INTS14: variants seen among roughly 807,000 people sequenced by gnomAD.
INTS14 encodes the protein UPF0464 protein C15orf44.
INTS14 carries 27 observed loss-of-function variants against 56.9 expected under a neutral mutation model. The observed-to-expected ratio is 0.47, with a 90% CI of 0.35 to 0.65. INTS14 has a LOEUF of 0.65. INTS14 is among the 30% of genes least tolerant of loss of function. The probability of loss-of-function intolerance (pLI) is 0.00; values close to 1 mark genes in which losing one functional copy is unlikely to be tolerated. For synonymous variants in INTS14, 207 were observed against 236.2 expected, an observed-to-expected ratio of 0.88 and a Z score of 1.13; for missense variants, 517 against 632.2, an observed-to-expected ratio of 0.82 and a Z score of 1.95.
Position 65,579,152 on chromosome 15 carries a change from A to G in INTS14, c.*256T>C. 2.3e-6 allele frequency: 1 copy of G among 429,910 alleles called. No homozygotes were observed. The highest frequency in any genetic ancestry group is 4.1e-6 in the Non-Finnish European group (1 of 241,454). 26.6% of individuals were successfully genotyped at this position (429,910 alleles called of 1,614,324 possible). ...ATCAGTCATTCAAGCTTCTCAGGAAATGTGCCCATCATGGGAACAGCAGCT... is the reference window on the plus strand; with the variant it reads ...ATCAGTCATTCAAGCTTCTCAGGAAGTGTGCCCATCATGGGAACAGCAGCT... On this transcript the variant is annotated 3_prime_UTR_variant, in exon 12 of 12. Coordinates refer to ENST00000313182, the MANE Select transcript of INTS14 (RefSeq NM_001394796.1).
intron 10 of INTS14, among the ~76,000 whole-genome samples, chr15:65,582,379 G>C (rs577022564): frequency 6.6e-6 from 1 of 152,220 alleles, no homozygotes; most frequent in East Asian, 1.9e-4. Flanking sequence ...AAAGAATAAA[G>C]TTGGACCCTT....
At chr15:65,588,497 A>C (rs1373639832) in intron 9 of INTS14, among the ~76,000 whole-genome samples, 1 of 151,690 alleles carries the variant, frequency 6.6e-6, no homozygotes, top group Non-Finnish European at 1.5e-5. Context: ...ATGAAACCCT[A>C]TCTCTACTAA....
chr15:65,591,552 G>A (rs1250313808), intron 9 of INTS14, 46 bp downstream of exon 9: 1 of 1,599,240 alleles, frequency 6.3e-7, no homozygotes, highest in Non-Finnish European at 8.5e-7. Context: ...GAGAACAGCA[G>A]AATGAAAACA....
At chr15:65,602,833 A>C (rs1473852353) in intron 3 of INTS14, among the ~76,000 whole-genome samples, 1 of 152,094 alleles carries the variant, frequency 6.6e-6, no homozygotes. Flanking sequence ...ACGTCTGGCT[A>C]ATTTTTTTAT....
rs754580401 is a variant in INTS14, at chr15:65,599,859, T to C, written c.401A>G (p.Asn134Ser). 1.4e-5 allele frequency: 22 copies of C among 1,614,036 alleles called. No individual in the cohort carries two copies. The highest frequency in any genetic ancestry group is 1.7e-5 in the Non-Finnish European group (20 of 1,179,986). The change falls in exon 4 of 12, where the codon AAT becomes AGT. Residue 134 changes from asparagine to serine, a missense_variant. Asn to Ser is a conservative substitution (Grantham distance 46). Coordinates refer to ENST00000313182, the MANE Select transcript of INTS14 (RefSeq NM_001394796.1). ...AAACCTGTTGCTCTCACTTCGTTGA[T>C]TTTGAGTGGCTAGGGAATGTCGCAG... ...GSLRHSLATQ[N>S]QRSESNRFPL... is the part of the protein sequence containing the mutation.
rs548089468 is a variant in INTS14 at position 65,606,181 on chromosome 15, G to C, written c.223-945C>G. Among the ~76,000 whole-genome samples the C allele has an allele frequency of 1.8e-3, 275 of 151,612 alleles. 2 individuals are homozygous for C. The highest frequency in any genetic ancestry group is 6.2e-3 in the African/African-American group (255 of 41,330). On this transcript the variant is annotated intron_variant, in intron 2 of 11. Transcript: ENST00000313182. ...GAGGCAGGAGAATGGCGTGAACCCGGGGGGCGGAGCCTGCAGTGAGCCGAG... is the reference window on the plus strand; with the variant it reads ...GAGGCAGGAGAATGGCGTGAACCCGCGGGGCGGAGCCTGCAGTGAGCCGAG...
At chr15:65,585,678 C>T (rs1596236937) in intron 9 of INTS14, among the ~76,000 whole-genome samples, 1 of 152,084 alleles carries the variant, frequency 6.6e-6, no homozygotes, top group South Asian at 2.1e-4. Flanking sequence ...TGTATTTGAT[C>T]TTTATTATTA....
intron 2 of INTS14, among the ~76,000 whole-genome samples, chr15:65,606,031 G>A (rs1160743009): frequency 1.3e-5 from 2 of 151,710 alleles, no homozygotes; most frequent in Admixed American, 6.6e-5. Flanking sequence ...CGAGGCGGGC[G>A]GATCATGAGG....
chr15:65,593,422 T>C lies in INTS14; in HGVS notation c.986+6A>G, dbSNP rs2073100703. ...CATTCAACCAAATGTAAACAAAGTT[T>C]CCTACCCTAATTGAACAATCGCTAC... On this transcript the variant is annotated splice_donor_region_variant and intron_variant, in intron 8 of 11. Transcript: ENST00000313182. 1.2e-6 allele frequency: 2 copies of C among 1,608,030 alleles called. No homozygotes were observed. Among genetic ancestry groups the C allele is most frequent in the African/African-American group, 1.3e-5 (1 of 74,684 alleles).
intron 2 of INTS14, among the ~76,000 whole-genome samples, chr15:65,605,759 G>T (rs2073621560): frequency 6.6e-6 from 1 of 152,072 alleles, no homozygotes; most frequent in Non-Finnish European, 1.5e-5. Flanking sequence ...CAGGGCTCCT[G>T]GTCTAAAACA....
At chr15:65,607,950 A>G (rs961264751) in intron 1 of INTS14, among the ~76,000 whole-genome samples, 2 of 152,266 alleles carry the variant, frequency 1.3e-5, no homozygotes, top group Non-Finnish European at 1.5e-5. Context: ...GGACTAGTAA[A>G]GTCATAAACC....
intron 2 of INTS14, 93 bp downstream of exon 2, chr15:65,607,066 T>G: frequency 6.9e-7 from 1 of 1,453,488 alleles, no homozygotes; most frequent in South Asian, 1.4e-5. Flanking sequence ...TATTAAATAA[T>G]GCCAAAGTTC....
chr15:65,581,008 G>A (rs890425766), intron 11 of INTS14, among the ~76,000 whole-genome samples: 1 of 152,182 alleles, frequency 6.6e-6, no homozygotes, highest in African/African-American at 2.4e-5. Context: ...TGTAATCCCA[G>A]CACTTTGGGT....
chr15:65,610,974 G>T, intron 1 of INTS14, 124 bp downstream of exon 1: 8 of 1,489,034 alleles, frequency 5.4e-6, no homozygotes, highest in Non-Finnish European at 7.1e-6. Context: ...ACAGCGCGGG[G>T]CGGCCGCCAC....
intron 9 of INTS14, among the ~76,000 whole-genome samples, chr15:65,590,054 A>AT (rs1337827675): frequency 1.3e-5 from 2 of 152,194 alleles, no homozygotes; most frequent in African/African-American, 4.8e-5. Context: ...CCTGGGATCA[A>AT]TTTTAACACT....
chr15:65,592,336 G>A (rs1317149037), intron 8 of INTS14, among the ~76,000 whole-genome samples: 3 of 152,118 alleles, frequency 2.0e-5, no homozygotes, highest in Non-Finnish European at 4.4e-5. Flanking sequence ...CCTAACTCTT[G>A]ATCTATACCA....
chr15:65,606,664 T>C (rs112969317), intron 2 of INTS14, among the ~76,000 whole-genome samples: 1 of 152,166 alleles, frequency 6.6e-6, no homozygotes, highest in Non-Finnish European at 1.5e-5. Flanking sequence ...AATTCTAACA[T>C]AACACAGAAA....
intron 2 of INTS14, among the ~76,000 whole-genome samples, chr15:65,606,765 T>A (rs576770555): frequency 6.6e-6 from 1 of 152,312 alleles, no homozygotes; most frequent in African/African-American, 2.4e-5. Context: ...AAAGGAAATA[T>A]CATTTTGAAT....
rs774613796 is a variant in INTS14 at position 65,581,990 on chromosome 15, T to G, written c.1269A>C (p.Ala423=). 23 of 1,612,520 alleles carry G rather than the reference T, an allele frequency of 1.4e-5. No homozygotes were observed. The change falls in exon 11 of 12, where the codon GCA becomes GCC. Residue 423 remains alanine (A), a synonymous_variant. Coordinates refer to ENST00000313182, the MANE Select transcript of INTS14 (RefSeq NM_001394796.1). ...TCTGTGTTTTTTCAGGTAGTTTCCT[T>G]GCATTTCTTAAAATCTTCTGTACAT... ...QTDVQKILRN[A]RKLPEKTQTF...
Sources: allele counts gnomAD v4.1 joint callset (sites outside exome capture counted in the v4.1 genomes callset), GRCh38; gene constraint gnomAD v4.1.1; transcripts MANE v1.5; gene names NCBI Gene and HGNC (gene_info 2026-07-23, HGNC 2026-07-21).